The following KCTD16 variants were observed in gnomAD, a reference collection of about 807,000 sequenced individuals.
The protein encoded by KCTD16 is BTB/POZ domain-containing protein KCTD16.
In KCTD16, 13 loss-of-function variants were observed where a neutral mutation model predicts 33.2. The observed-to-expected ratio is 0.39, with a 90% CI of 0.25 to 0.62. The LOEUF (loss-of-function observed/expected upper bound fraction) is 0.62, where lower values mean the gene tolerates loss of function less well. Among genes scored for constraint, KCTD16 ranks in the 20% least tolerant of loss-of-function variants. The probability of loss-of-function intolerance (pLI) is 0.50; values close to 1 mark genes in which losing one functional copy is unlikely to be tolerated. For synonymous variants in KCTD16, 197 were observed against 195.3 expected (o/e 1.01, Z -0.07); for missense variants, 441 against 525.1 (o/e 0.84, Z 1.57).
intron 3 of KCTD16, among the ~76,000 whole-genome samples, chr5:144,293,749 G>C (rs1481420687): frequency 1.3e-5 from 2 of 152,282 alleles, no homozygotes; most frequent in East Asian, 3.9e-4. Context: ...CATTTTATTA[G>C]TCAGTTTTTG....
chr5:144,467,591 G>A (rs767031961), intron 3 of KCTD16, among the ~76,000 whole-genome samples: 7 of 152,186 alleles, frequency 4.6e-5, no homozygotes, highest in Non-Finnish European at 1.0e-4. Context: ...GGCAGGAGGA[G>A]GTTGGGACTA....
chr5:144,350,896 A>G (rs533541198), intron 3 of KCTD16, among the ~76,000 whole-genome samples: 5 of 151,854 alleles, frequency 3.3e-5, no homozygotes, highest in African/African-American at 1.2e-4. Context: ...TAACTAGAGA[A>G]TTGTCATGCA....
intron 3 of KCTD16, among the ~76,000 whole-genome samples, chr5:144,452,417 G>A (rs1753964560): frequency 6.6e-6 from 1 of 151,860 alleles, no homozygotes. Context: ...GGGAGAGAGG[G>A]ATTGTGAATC....
In KCTD16 at chr5:144,305,467, AACAG is replaced by A. The variant is rs1481931400; in HGVS notation, c.832+97927_832+97930del. 5.3e-5 allele frequency among the ~76,000 whole-genome samples: 8 copies of A among 152,290 alleles called. No homozygotes were observed. In the South Asian group the frequency reaches 1.2e-3, roughly 24 times the overall value. On this transcript the variant is annotated intron_variant, in intron 3 of 3. Transcript: ENST00000512467. ...TGTCTTTATAAGAAGAGGAAATTTG[AACAG>A]ACAGAGAAACCAGAGAGGCATATGC...
At chr5:144,453,566 C>T (rs919844518) in intron 3 of KCTD16, among the ~76,000 whole-genome samples, 13 of 152,012 alleles carry the variant, frequency 8.6e-5, no homozygotes, top group African/African-American at 3.1e-4. Context: ...ATCTTAATTA[C>T]TAGGAACCTC....
rs114691984 is a variant in KCTD16, at chr5:144,455,458, C to T, written c.833-18202C>T. Among the ~76,000 whole-genome samples the T allele has an allele frequency of 3.9e-3, 599 of 151,972 alleles. 2 individuals are homozygous for T. Among genetic ancestry groups the T allele is most frequent in the African/African-American group, 0.013 (558 of 41,442 alleles). Reference sequence around the variant, plus strand: ...ATCACATTGGCAGATAATTTGGGAACCAAGAGAAAGTGGAGTGGAAAAGTC... The same window carrying T: ...ATCACATTGGCAGATAATTTGGGAATCAAGAGAAAGTGGAGTGGAAAAGTC... On this transcript the variant is annotated intron_variant, in intron 3 of 3. Transcript: ENST00000512467.
At chr5:144,348,621 T>C (rs963328096) in intron 3 of KCTD16, among the ~76,000 whole-genome samples, 4 of 152,214 alleles carry the variant, frequency 2.6e-5, no homozygotes, top group Admixed American at 2.0e-4. Flanking sequence ...CATTTTTCCG[T>C]GCTCACTCCT....
chr5:144,457,666 G>A (rs941756096), intron 3 of KCTD16, among the ~76,000 whole-genome samples: 2 of 152,168 alleles, frequency 1.3e-5, no homozygotes, highest in Non-Finnish European at 1.5e-5. Context: ...AGTGAAGACT[G>A]ACAATAACAG....
chr5:144,195,051 C>T (rs1339988823), intron 2 of KCTD16, among the ~76,000 whole-genome samples: 1 of 152,124 alleles, frequency 6.6e-6, no homozygotes, highest in African/African-American at 2.4e-5. Flanking sequence ...AGAACTGTTG[C>T]TTACACCGTC....
At chr5:144,258,432 T>C (rs1754911674) in intron 3 of KCTD16, among the ~76,000 whole-genome samples, 1 of 152,228 alleles carries the variant, frequency 6.6e-6, no homozygotes, top group Non-Finnish European at 1.5e-5. Flanking sequence ...TAAAAGTTGC[T>C]AACAGGCTTT....
intron 3 of KCTD16, among the ~76,000 whole-genome samples, chr5:144,278,399 C>T (rs1276074823): frequency 4.0e-5 from 6 of 150,530 alleles, no homozygotes; most frequent in South Asian, 2.1e-4. Flanking sequence ...TGTTTACTGT[C>T]GTGTTAAAGT....
chr5:144,385,515 T>C (rs1220143639), intron 3 of KCTD16, among the ~76,000 whole-genome samples: 2 of 152,208 alleles, frequency 1.3e-5, no homozygotes, highest in Non-Finnish European at 2.9e-5. Flanking sequence ...ATATTTCTTT[T>C]TCACATGAAA....
At chr5:144,310,542 C>A (rs1018726866) in intron 3 of KCTD16, among the ~76,000 whole-genome samples, 1 of 151,580 alleles carries the variant, frequency 6.6e-6, no homozygotes, top group African/African-American at 2.4e-5. Flanking sequence ...TATTATACAA[C>A]CTATGTATGC....
chr5:144,310,249 A>T (rs899125253), intron 3 of KCTD16, among the ~76,000 whole-genome samples: 1 of 152,160 alleles, frequency 6.6e-6, no homozygotes, highest in Non-Finnish European at 1.5e-5. Flanking sequence ...TATACGGTTG[A>T]ATAGTATACC....
intron 3 of KCTD16, among the ~76,000 whole-genome samples, chr5:144,323,743 A>T (rs780895141): frequency 6.6e-6 from 1 of 152,164 alleles, no homozygotes; most frequent in Non-Finnish European, 1.5e-5. Context: ...CACAGCCACC[A>T]CATATAGAAA....
At chr5:144,296,979 G>C (rs1756055339) in intron 3 of KCTD16, among the ~76,000 whole-genome samples, 1 of 152,092 alleles carries the variant, frequency 6.6e-6, no homozygotes, top group South Asian at 2.1e-4. Flanking sequence ...TAATTGAATT[G>C]AATTTGCTCA....
chr5:144,292,683 A>T lies in KCTD16; in HGVS notation c.832+85137A>T, dbSNP rs146815946. 1.7e-3 allele frequency among the ~76,000 whole-genome samples: 255 copies of T among 152,324 alleles called. 1 individual carries two copies. Among genetic ancestry groups the T allele is most frequent in the African/African-American group, 5.8e-3 (241 of 41,572 alleles). Reference sequence around the variant, plus strand: ...ATCACTACAGAGAGATGAGGCAAAAATCAAAAGAACAAAGTGGTTTATCAA... The same window carrying T: ...ATCACTACAGAGAGATGAGGCAAAATTCAAAAGAACAAAGTGGTTTATCAA... On this transcript the variant is annotated intron_variant, in intron 3 of 3. Transcript: ENST00000512467.
At chr5:144,460,551 T>C (rs1367560277) in intron 3 of KCTD16, among the ~76,000 whole-genome samples, 2 of 152,168 alleles carry the variant, frequency 1.3e-5, no homozygotes, top group Non-Finnish European at 2.9e-5. Flanking sequence ...AGGTGATTCT[T>C]GTGCCTCAGC....
intron 3 of KCTD16, among the ~76,000 whole-genome samples, chr5:144,225,383 G>A (rs1753898598): frequency 6.6e-6 from 1 of 152,114 alleles, no homozygotes; most frequent in Non-Finnish European, 1.5e-5. Context: ...TCTTCTCCCA[G>A]TGACTCCTAC....
Sources: gnomAD v4.1 joint callset for allele counts (sites outside exome capture counted in the v4.1 genomes callset) on GRCh38, gnomAD v4.1.1 for gene constraint, MANE v1.5 for transcripts, NCBI Gene and HGNC (gene_info 2026-07-23, HGNC 2026-07-21) for gene names.